Variants in RANBP17 observed in about 807,000 individuals in gnomAD.
RANBP17 encodes the protein ran-binding protein 17.
In RANBP17, 158 loss-of-function variants were observed where a neutral mutation model predicts 141.2. The ratio of observed to expected loss-of-function variants is 1.12; its 90% CI spans 0.98 to 1.28. The LOEUF is 1.28. Among genes scored for constraint, RANBP17 ranks in the 50% most tolerant of loss-of-function variants. RANBP17 has a pLI of 0.00. For missense variants in RANBP17, 1,438 were observed against 1,290.7 expected, an observed-to-expected ratio of 1.11 and a Z score of -1.75; for synonymous variants, 430 against 450.0, an observed-to-expected ratio of 0.96 and a Z score of 0.56.
At chr5:170,965,208 A>G (rs1263535927) in intron 13 of RANBP17, among the ~76,000 whole-genome samples, 5 of 149,628 alleles carry the variant, frequency 3.3e-5, no homozygotes, top group Non-Finnish European at 5.9e-5. Flanking sequence ...TTTGAGAAGT[A>G]TCTGTTCATG....
Position 171,154,888 on chromosome 5 carries a change from C to A in RANBP17, c.1711-15242C>A, listed in dbSNP as rs1758747027. On this transcript the variant is annotated intron_variant, in intron 14 of 27. Transcript: ENST00000523189. ...TCAGGCGTTTTGAGACTAGCCTGGC[C>A]AACATAATGAAACCCTGTCTCTACT... 5.3e-5 allele frequency among the ~76,000 whole-genome samples: 8 copies of A among 151,492 alleles called. No homozygotes were observed. In the South Asian group the frequency reaches 1.7e-3, roughly 32 times the overall value.
chr5:170,977,399 A>G (rs1777459863), intron 14 of RANBP17, among the ~76,000 whole-genome samples: 1 of 152,120 alleles, frequency 6.6e-6, no homozygotes, highest in Non-Finnish European at 1.5e-5. Context: ...TGTTGCAAGG[A>G]ACGTAAAATA....
chr5:171,050,624 T>A (rs1782894600), intron 14 of RANBP17, among the ~76,000 whole-genome samples: 2 of 152,186 alleles, frequency 1.3e-5, no homozygotes, highest in African/African-American at 4.8e-5. Flanking sequence ...GAAGGATGGC[T>A]TGATTGCAGG....
intron 14 of RANBP17, among the ~76,000 whole-genome samples, chr5:171,027,476 A>G (rs552167661): frequency 1.3e-5 from 2 of 152,076 alleles, no homozygotes; most frequent in Non-Finnish European, 2.9e-5. Flanking sequence ...TGCATATAGT[A>G]TTGTAGCTTT....
intron 8 of RANBP17, among the ~76,000 whole-genome samples, chr5:170,915,742 G>C (rs990221450): frequency 6.6e-6 from 1 of 151,736 alleles, no homozygotes; most frequent in Admixed American, 6.6e-5. Flanking sequence ...TACATTACAG[G>C]TTCCCCCTGC....
At chr5:171,247,785 G>A (rs1385915603) in intron 24 of RANBP17, among the ~76,000 whole-genome samples, 1 of 152,128 alleles carries the variant, frequency 6.6e-6, no homozygotes, top group Non-Finnish European at 1.5e-5. Flanking sequence ...AACCTTGGCA[G>A]TACTGAAGGG....
At position 170,919,585 on chromosome 5, in the gene RANBP17, C is replaced by G; in HGVS notation, c.1246C>G (p.Arg416Gly). The G allele has an allele frequency of 6.2e-7, 1 of 1,603,794 alleles. No homozygotes were observed. The highest frequency in any genetic ancestry group is 8.5e-7 in the Non-Finnish European group (1 of 1,176,802). The change falls in exon 11 of 28, where the codon CGG (arginine) becomes GGG (glycine). Residue 416 changes from arginine (R) to glycine (G), a missense_variant. By Grantham distance (125) the Arg-to-Gly change is moderately radical. Transcript: ENST00000523189. ...PEITKAFITS[R>G]LDSVAIVVRD... ...AATCACGAAGGCCTTTATCACTTCT[C>G]GGTTGGACTCTGTTGCCATAGTTGT...
chr5:171,239,513 G>A (rs940049752), intron 22 of RANBP17, among the ~76,000 whole-genome samples: 1 of 152,126 alleles, frequency 6.6e-6, no homozygotes, highest in Non-Finnish European at 1.5e-5. Flanking sequence ...TACAATCTTA[G>A]GCAAAGATGG....
intron 14 of RANBP17, among the ~76,000 whole-genome samples, chr5:171,131,873 T>G (rs1756945597): frequency 6.6e-6 from 1 of 152,232 alleles, no homozygotes; most frequent in South Asian, 2.1e-4. Context: ...TGGCTAATGC[T>G]TTCTCATTAG....
At chr5:171,060,889 T>C (rs1783786046) in intron 14 of RANBP17, among the ~76,000 whole-genome samples, 1 of 152,088 alleles carries the variant, frequency 6.6e-6, no homozygotes, top group Non-Finnish European at 1.5e-5. Context: ...GGTTTAGTCT[T>C]GGGAGGGTGT....
intron 25 of RANBP17, among the ~76,000 whole-genome samples, chr5:171,274,337 T>A (rs535951205): frequency 6.6e-6 from 1 of 152,226 alleles, no homozygotes; most frequent in Non-Finnish European, 1.5e-5. Flanking sequence ...TGCTTATAAT[T>A]TAAAAATAGA....
chr5:171,173,308 G>C (rs1398187426), intron 16 of RANBP17, among the ~76,000 whole-genome samples: 1 of 151,678 alleles, frequency 6.6e-6, no homozygotes, highest in Admixed American at 6.6e-5. Flanking sequence ...TCTATATTAG[G>C]AATAAGATGA....
intron 14 of RANBP17, among the ~76,000 whole-genome samples, chr5:171,062,064 A>G (rs2127673926): frequency 6.6e-6 from 1 of 151,458 alleles, no homozygotes; most frequent in Non-Finnish European, 1.5e-5. Context: ...TCTGCATGTG[A>G]GATGGGTTTC....
chr5:171,199,847 G>A, intron 19 of RANBP17, 74 bp downstream of exon 19: 2 of 844,054 alleles, frequency 2.4e-6, no homozygotes, highest in Non-Finnish European at 3.9e-6. Flanking sequence ...AAAGGGCTTT[G>A]CATATCTGTG....
intron 14 of RANBP17, among the ~76,000 whole-genome samples, chr5:171,129,838 G>A (rs1756773487): frequency 6.6e-6 from 1 of 152,168 alleles, no homozygotes; most frequent in Non-Finnish European, 1.5e-5. Flanking sequence ...GTTACGATGT[G>A]CAGAATGCTT....
intron 14 of RANBP17, among the ~76,000 whole-genome samples, chr5:171,102,634 T>A (rs540189814): frequency 6.6e-6 from 1 of 152,236 alleles, no homozygotes; most frequent in East Asian, 1.9e-4. Context: ...TTTAGTTCCT[T>A]TGCTGGCAAG....
chr5:171,002,093 T>C (rs952402736), intron 14 of RANBP17, among the ~76,000 whole-genome samples: 2 of 152,114 alleles, frequency 1.3e-5, no homozygotes, highest in Non-Finnish European at 2.9e-5. Flanking sequence ...TCCTTAGGGA[T>C]AGACCTCCAC....
At chr5:170,896,204 C>A in intron 5 of RANBP17, 89 bp downstream of exon 5, 1 of 885,566 alleles carries the variant, frequency 1.1e-6, no homozygotes, top group Non-Finnish European at 1.8e-6. Context: ...AAATAGACAG[C>A]CTTCATTTTG....
intron 14 of RANBP17, among the ~76,000 whole-genome samples, chr5:171,061,952 G>A (rs536120258): frequency 8.0e-4 from 121 of 151,934 alleles, no homozygotes; most frequent in African/African-American, 2.7e-3. Context: ...TTGGTTTAAC[G>A]TCTGTTTTAT....
Sources: allele counts gnomAD v4.1 joint callset (sites outside exome capture counted in the v4.1 genomes callset), GRCh38; gene constraint gnomAD v4.1.1; transcripts MANE v1.5; gene names NCBI Gene and HGNC (gene_info 2026-07-23, HGNC 2026-07-21).